The following GREB1L variants were observed in gnomAD, a reference collection of about 807,000 sequenced individuals.
GREB1L encodes GREB1 like retinoic acid receptor coactivator, also known as GREB1-like protein.
In GREB1L, 17 loss-of-function variants were observed where a neutral mutation model predicts 200.8. The ratio of observed to expected loss-of-function variants is 0.08; its 90% CI spans 0.06 to 0.13. The LOEUF (loss-of-function observed/expected upper bound fraction) is 0.13, where lower values mean the gene tolerates loss of function less well. Ranked by LOEUF, GREB1L falls within the 10% of genes least tolerant of loss-of-function variation. The pLI is 1.00. For synonymous variants in GREB1L, 789 were observed against 893.0 expected (o/e 0.88, Z 2.08); for missense variants, 1,657 against 2,367.7 (o/e 0.70, Z 6.23).
At chr18:21,460,829 G>A (rs1232871045) in intron 15 of GREB1L, among the ~76,000 whole-genome samples, 1 of 151,600 alleles carries the variant, frequency 6.6e-6, no homozygotes, top group Non-Finnish European at 1.5e-5. Flanking sequence ...AGGCATGGTG[G>A]CTCATGCCTA....
intron 1 of GREB1L, among the ~76,000 whole-genome samples, chr18:21,363,358 T>C (rs1167120773): frequency 6.6e-5 from 9 of 136,054 alleles, no homozygotes; most frequent in East Asian, 2.4e-4. Context: ...TATAAAAGCA[T>C]TGGGTGGGGA....
rs528739211 is a variant in GREB1L, at chr18:21,416,610, C to T, written c.832+12616C>T. Among the ~76,000 whole-genome samples the T allele has an allele frequency of 7.3e-5, 11 of 150,942 alleles. No individual in the cohort carries two copies. The South Asian group carries it at 1.9e-3, about 26-fold the overall frequency. On this transcript the variant is annotated intron_variant, in intron 7 of 32. Transcript: ENST00000424526. ...TCGGGAGGCTGAGGCAGGAGAATGG[C>T]GTGAACCCGGGAGGCAGAGCTTGCA...
chr18:21,396,110 T>TCTGC (rs2144388170), intron 5 of GREB1L, among the ~76,000 whole-genome samples: 2 of 151,530 alleles, frequency 1.3e-5, no homozygotes, highest in South Asian at 4.2e-4. Flanking sequence ...AGTGGCATGA[T>TCTGC]CTCGGCTCAC....
intron 15 of GREB1L, among the ~76,000 whole-genome samples, chr18:21,460,162 TGTTTTTGTTTTC>T (rs144491682): frequency 0.017 from 2,642 of 152,208 alleles, 73 homozygotes; most frequent in African/African-American, 0.058. Context: ...TGTTTTGTCT[TGTTTTTGTTTTC>T]GTTTTTGTTT....
rs375106893 is a variant in GREB1L, at chr18:21,364,834, G to T, written c.-119-1193G>T. 1.6e-4 allele frequency among the ~76,000 whole-genome samples: 24 copies of T among 145,560 alleles called. No homozygotes were observed. In the East Asian group the frequency reaches 4.3e-3, roughly 26 times the overall value. Reference sequence around the variant, plus strand: ...CTGAAGCTATTGGAATTAGATTACTGACTTTTTTTTTTTTTTTAATCATTA... The same window carrying T: ...CTGAAGCTATTGGAATTAGATTACTTACTTTTTTTTTTTTTTTAATCATTA... On this transcript the variant is annotated intron_variant, in intron 1 of 32. Transcript: ENST00000424526.
chr18:21,439,350 T>C lies in GREB1L; in HGVS notation c.833-171T>C, dbSNP rs73425736. On this transcript the variant is annotated intron_variant, in intron 7 of 32. Transcript: ENST00000424526. ...GTTTCTAAGTGACATTTAATTTTAA[T>C]GAAGATCTTCCTCTGACAGTTGCAG... Among the ~76,000 whole-genome samples the C allele has an allele frequency of 7.9e-3, 1,203 of 152,306 alleles. 20 individuals are homozygous for C. Among genetic ancestry groups the C allele is most frequent in the African/African-American group, 0.028 (1,159 of 41,558 alleles).
chr18:21,497,289 T>C (rs1212941399), intron 21 of GREB1L, among the ~76,000 whole-genome samples: 1 of 152,132 alleles, frequency 6.6e-6, no homozygotes, highest in Non-Finnish European at 1.5e-5. Flanking sequence ...AATTGTATTA[T>C]AGCAAATGCA....
chr18:21,403,392 T>C (rs1195789610), intron 6 of GREB1L, among the ~76,000 whole-genome samples: 1 of 152,244 alleles, frequency 6.6e-6, no homozygotes, highest in Non-Finnish European at 1.5e-5. Flanking sequence ...CTCTACTGCC[T>C]ATACATTTTT....
intron 15 of GREB1L, among the ~76,000 whole-genome samples, chr18:21,462,638 C>A (rs147545047): frequency 6.6e-6 from 1 of 152,016 alleles, no homozygotes. Context: ...TTGGTAGAGA[C>A]GGGGTTTCGC....
rs2036627078 is a variant in GREB1L at position 21,498,135 on chromosome 18, T to A, written c.3391+1437T>A. On this transcript the variant is annotated intron_variant, in intron 21 of 32. Transcript: ENST00000424526. ...CCGCGCCCAGCCTCTCACCCTTTTT[T>A]TGAGCTATCATTGAGATCCTTCCAT... Among the ~76,000 whole-genome samples the A allele has an allele frequency of 1.3e-5, 2 of 152,106 alleles. 1 individual carries two copies. Among genetic ancestry groups the A allele is most frequent in the South Asian group, 4.1e-4 (2 of 4,820 alleles).
chr18:21,353,528 G>T (rs2039464429), intron 1 of GREB1L, among the ~76,000 whole-genome samples: 1 of 151,884 alleles, frequency 6.6e-6, no homozygotes, highest in South Asian at 2.1e-4. Context: ...ATTTGTTTTA[G>T]GTGTGTAATA....
chr18:21,383,684 C>G lies in GREB1L; in HGVS notation c.157+9C>G. 1.3e-6 allele frequency: 2 copies of G among 1,548,008 alleles called. No individual in the cohort carries two copies. Among genetic ancestry groups the G allele is most frequent in the Non-Finnish European group, 1.7e-6 (2 of 1,145,730 alleles). ...TCCTTTCTCATCTGCAGGTAAGTTT[C>G]TCAATCACACACATTTCTGGATTCT... is the stretch of plus-strand genomic sequence containing the variant. On this transcript the variant is annotated intron_variant, in intron 3 of 32. Transcript: ENST00000424526.
chr18:21,345,179 T>C (rs1239691344), intron 1 of GREB1L, among the ~76,000 whole-genome samples: 3 of 152,220 alleles, frequency 2.0e-5, no homozygotes, highest in Admixed American at 1.3e-4. Flanking sequence ...AGATTACTGC[T>C]GGATATTTCC....
intron 1 of GREB1L, among the ~76,000 whole-genome samples, chr18:21,300,523 C>T (rs187992744): frequency 1.2e-3 from 180 of 152,288 alleles, no homozygotes; most frequent in Admixed American, 1.9e-3. Flanking sequence ...TTTCCCATCC[C>T]CCTCTCTAAA....
intron 1 of GREB1L, among the ~76,000 whole-genome samples, chr18:21,302,717 ATGTT>A (rs3046678): frequency 7.9e-5 from 12 of 151,834 alleles, no homozygotes; most frequent in Admixed American, 3.9e-4. Flanking sequence ...GCCTTCCATA[ATGTT>A]TGTTTGTTTG....
chr18:21,488,571 C>G (rs1176954751), intron 18 of GREB1L, among the ~76,000 whole-genome samples: 1 of 152,160 alleles, frequency 6.6e-6, no homozygotes, highest in Non-Finnish European at 1.5e-5. Flanking sequence ...GTGCACAGCC[C>G]CAGCCTTATT....
chr18:21,257,840 T>C (rs1430876613), intron 1 of GREB1L, among the ~76,000 whole-genome samples: 1 of 152,218 alleles, frequency 6.6e-6, no homozygotes, highest in Non-Finnish European at 1.5e-5. Flanking sequence ...ATTAAAAATG[T>C]ACCCCACCTC....
At chr18:21,388,355 A>G (rs751770308) in intron 4 of GREB1L, among the ~76,000 whole-genome samples, 2 of 152,110 alleles carry the variant, frequency 1.3e-5, no homozygotes, top group Non-Finnish European at 1.5e-5. Flanking sequence ...TTAATATCTT[A>G]GTATAGGACA....
At chr18:21,351,656 T>C (rs909654640) in intron 1 of GREB1L, among the ~76,000 whole-genome samples, 2 of 151,782 alleles carry the variant, frequency 1.3e-5, no homozygotes, top group Non-Finnish European at 2.9e-5. Context: ...GGAATAGATA[T>C]TACATTCTGG....
Sources: allele counts gnomAD v4.1 joint callset (sites outside exome capture counted in the v4.1 genomes callset), GRCh38; gene constraint gnomAD v4.1.1; transcripts MANE v1.5; gene names NCBI Gene and HGNC (gene_info 2026-07-23, HGNC 2026-07-21).